Variants in C8orf34 observed in about 807,000 individuals in gnomAD.
C8orf34 encodes uncharacterized protein C8orf34.
A neutral mutation model predicts 68.3 loss-of-function variants in C8orf34; 65 were observed. That is an observed-to-expected ratio of 0.95 (90% CI 0.78 to 1.17). C8orf34 has a LOEUF of 1.17. Ranked by LOEUF, C8orf34 falls within the 50% of genes most tolerant of loss-of-function variation. C8orf34 has a pLI of 0.00. For missense variants in C8orf34, 664 were observed against 655.4 expected, an observed-to-expected ratio of 1.01 and a Z score of -0.14; for synonymous variants, 244 against 241.2, an observed-to-expected ratio of 1.01 and a Z score of -0.11.
chr8:68,635,326 C>G (rs1040560438), intron 7 of C8orf34, among the ~76,000 whole-genome samples: 1 of 152,136 alleles, frequency 6.6e-6, no homozygotes. Flanking sequence ...TTGAACATAT[C>G]CTCAAAGGTA....
At chr8:68,688,124 A>G (rs1294028086) in intron 8 of C8orf34, among the ~76,000 whole-genome samples, 1 of 152,050 alleles carries the variant, frequency 6.6e-6, no homozygotes, top group African/African-American at 2.4e-5. Context: ...AAGTCAAAAA[A>G]CAATAGATGT....
chr8:68,342,578 C>T (rs556323682), intron 1 of C8orf34, among the ~76,000 whole-genome samples: 19 of 152,252 alleles, frequency 1.2e-4, no homozygotes, highest in African/African-American at 4.1e-4. Flanking sequence ...CAGAAATAAA[C>T]AATTCATAAG....
intron 8 of C8orf34, among the ~76,000 whole-genome samples, chr8:68,688,515 T>G (rs1820591887): frequency 6.6e-6 from 1 of 152,126 alleles, no homozygotes; most frequent in South Asian, 2.1e-4. Flanking sequence ...TAAAGATACA[T>G]GCGCACGTAT....
chr8:68,767,116 C>T (rs967755551), intron 10 of C8orf34, among the ~76,000 whole-genome samples: 3 of 152,074 alleles, frequency 2.0e-5, no homozygotes, highest in Admixed American at 2.0e-4. Flanking sequence ...ATCAATTGAA[C>T]CTGGGAAGCG....
intron 8 of C8orf34, among the ~76,000 whole-genome samples, chr8:68,650,766 AC>A (rs1322456189): frequency 6.6e-6 from 1 of 152,092 alleles, no homozygotes; most frequent in East Asian, 1.9e-4. Context: ...GGCGTGAGCC[AC>A]CGCACCCGGC....
chr8:68,559,063 A>G (rs1816341225), intron 7 of C8orf34, among the ~76,000 whole-genome samples: 1 of 152,196 alleles, frequency 6.6e-6, no homozygotes, highest in African/African-American at 2.4e-5. Flanking sequence ...GGGATGCAGG[A>G]AACCAATGAG....
chr8:68,641,770 A>G (rs531030743), intron 8 of C8orf34, among the ~76,000 whole-genome samples: 2 of 152,330 alleles, frequency 1.3e-5, no homozygotes, highest in African/African-American at 4.8e-5. Context: ...GAGGATTTGA[A>G]CTGTGAAAGG....
intron 5 of C8orf34, 45 bp from the exon 6 acceptor site, chr8:68,521,754 T>A (rs775585103): frequency 1.9e-5 from 29 of 1,531,624 alleles, no homozygotes; most frequent in Non-Finnish European, 2.4e-5. Context: ...GTCCTGTTAA[T>A]AAGAAAAAGC....
chr8:68,538,069 T>C (rs1000517793), intron 7 of C8orf34, among the ~76,000 whole-genome samples: 2 of 152,202 alleles, frequency 1.3e-5, no homozygotes, highest in African/African-American at 4.8e-5. Context: ...TATACACCTA[T>C]TGGAAAATTT....
chr8:68,347,619 A>T (rs1806337686), intron 1 of C8orf34, among the ~76,000 whole-genome samples: 1 of 152,070 alleles, frequency 6.6e-6, no homozygotes, highest in Non-Finnish European at 1.5e-5. Flanking sequence ...CCTCACCAGC[A>T]TCTGTTGTTT....
At chr8:68,623,998 C>T (rs1193883099) in intron 7 of C8orf34, among the ~76,000 whole-genome samples, 6 of 152,014 alleles carry the variant, frequency 3.9e-5, no homozygotes, top group South Asian at 2.1e-4. Flanking sequence ...TTGGGCTGTG[C>T]GCAGCAGCTC....
intron 1 of C8orf34, among the ~76,000 whole-genome samples, chr8:68,404,483 T>C (rs1809101201): frequency 6.6e-6 from 1 of 152,216 alleles, no homozygotes; most frequent in Admixed American, 6.5e-5. Flanking sequence ...GCCTCGGTTT[T>C]CTTCTAGGGT....
At chr8:68,805,176 A>G (rs1479821119) in intron 12 of C8orf34, among the ~76,000 whole-genome samples, 1 of 152,218 alleles carries the variant, frequency 6.6e-6, no homozygotes, top group East Asian at 1.9e-4. Context: ...TATTTTGTTG[A>G]AAGAACAAGC....
chr8:68,519,437 A>G (rs1475653002), intron 5 of C8orf34, among the ~76,000 whole-genome samples: 2 of 152,254 alleles, frequency 1.3e-5, no homozygotes, highest in Non-Finnish European at 2.9e-5. Context: ...AGTGACACAC[A>G]GCAATTCTAT....
At chr8:68,734,931 T>C (rs969642590) in intron 10 of C8orf34, among the ~76,000 whole-genome samples, 9 of 152,212 alleles carry the variant, frequency 5.9e-5, no homozygotes, top group Admixed American at 5.2e-4. Flanking sequence ...CTAGACTATA[T>C]ACTTCCCCTG....
chr8:68,545,025 A>T (rs1020481784), intron 7 of C8orf34, among the ~76,000 whole-genome samples: 6 of 152,184 alleles, frequency 3.9e-5, no homozygotes, highest in Admixed American at 1.3e-4. Flanking sequence ...TGAATCCATA[A>T]GAAGTTCTGG....
At chr8:68,741,946 C>A (rs968717973) in intron 10 of C8orf34, among the ~76,000 whole-genome samples, 1 of 152,166 alleles carries the variant, frequency 6.6e-6, no homozygotes, top group Non-Finnish European at 1.5e-5. Flanking sequence ...TTTGACATGA[C>A]ATAACCAATC....
intron 1 of C8orf34, among the ~76,000 whole-genome samples, chr8:68,371,292 T>A (rs1235346571): frequency 6.6e-6 from 1 of 152,256 alleles, no homozygotes; most frequent in African/African-American, 2.4e-5. Context: ...ATGTAATTTG[T>A]GATTTCAAAT....
At chr8:68,366,551 T>C (rs1375810585) in intron 1 of C8orf34, among the ~76,000 whole-genome samples, 2 of 151,152 alleles carry the variant, frequency 1.3e-5, no homozygotes, top group Admixed American at 1.3e-4. Flanking sequence ...AAAACAGAGA[T>C]ATAGATTAAT....
Sources: allele counts gnomAD v4.1 joint callset (sites outside exome capture counted in the v4.1 genomes callset), GRCh38; gene constraint gnomAD v4.1.1; transcripts MANE v1.5; gene names NCBI Gene and HGNC (gene_info 2026-07-23, HGNC 2026-07-21).